The following CDYL2 variants were observed in gnomAD, a reference collection of about 807,000 sequenced individuals.
CDYL2 encodes the protein chromodomain Y like 2.
Under a neutral mutation model 49.4 loss-of-function variants are expected in CDYL2, and 23 were observed. That is an observed-to-expected ratio of 0.47 (90% CI 0.34 to 0.66). The LOEUF is 0.66. CDYL2 is among the 30% of genes least tolerant of loss of function. The probability of loss-of-function intolerance (pLI) is 0.01; values close to 1 mark genes in which losing one functional copy is unlikely to be tolerated. For missense variants in CDYL2, 678 were observed against 656.4 expected (o/e 1.03, Z -0.36); for synonymous variants, 360 against 268.8 (o/e 1.34, Z -3.32).
At chr16:80,716,616 G>C (rs957584648) in intron 1 of CDYL2, among the ~76,000 whole-genome samples, 18 of 152,158 alleles carry the variant, frequency 1.2e-4, no homozygotes, top group African/African-American at 3.9e-4. Context: ...ATGATGAATG[G>C]CTAGATGGGT....
At position 80,728,099 on chromosome 16, in the gene CDYL2, G is replaced by A. The variant is rs564548083; in HGVS notation, c.25-42970C>T. On this transcript the variant is annotated intron_variant, in intron 1 of 6. Transcript: ENST00000570137. ...CCAGCAATGGAACAAAGCTGGATGG[G>A]GAATGACTTTGACGAGCTGAGAGAA... 7.6e-3 allele frequency among the ~76,000 whole-genome samples: 1,165 copies of A among 152,292 alleles called. 19 individuals are homozygous for A. The highest frequency in any genetic ancestry group is 0.026 in the African/African-American group (1,083 of 41,558).
chr16:80,799,936 C>G (rs916943810), intron 1 of CDYL2, among the ~76,000 whole-genome samples: 5 of 152,234 alleles, frequency 3.3e-5, no homozygotes, highest in African/African-American at 7.2e-5. Flanking sequence ...CACAGACCAT[C>G]AGTTCTGCTA....
In CDYL2 at chr16:80,751,482, G is replaced by A. The variant is rs577767281; in HGVS notation, c.24+52668C>T. ...AAGCAGCACGTGGCAGCTAAGGAGAGCTTTCAACAGTTTTACAGAGCTGAG... is the reference window on the plus strand; with the variant it reads ...AAGCAGCACGTGGCAGCTAAGGAGAACTTTCAACAGTTTTACAGAGCTGAG... On this transcript the variant is annotated intron_variant, in intron 1 of 6. Transcript: ENST00000570137. 3.9e-5 allele frequency among the ~76,000 whole-genome samples: 6 copies of A among 152,334 alleles called. No individual in the cohort carries two copies. In the South Asian group the frequency reaches 6.2e-4, roughly 16 times the overall value.
chr16:80,740,965 G>C (rs896972540), intron 1 of CDYL2, among the ~76,000 whole-genome samples: 1 of 151,474 alleles, frequency 6.6e-6, no homozygotes, highest in African/African-American at 2.4e-5. Flanking sequence ...ACCCCATCTG[G>C]ATTTTTTAAA....
At chr16:80,688,415 A>G (rs1455249134) in intron 1 of CDYL2, among the ~76,000 whole-genome samples, 1 of 150,116 alleles carries the variant, frequency 6.7e-6, no homozygotes. Context: ...TAAAATATAT[A>G]ATAATAAAGA....
Position 80,612,895 on chromosome 16 carries a change from A to T in CDYL2, c.1008-59T>A. 6.8e-7 allele frequency: 1 copy of T among 1,460,972 alleles called. No individual in the cohort carries two copies. Among genetic ancestry groups the T allele is most frequent in the Non-Finnish European group, 9.2e-7 (1 of 1,082,946 alleles). 90.5% of individuals were successfully genotyped at this position (1,460,972 alleles called of 1,614,324 possible). A position where few individuals can be genotyped will look rare whatever the true frequency, so the allele number is the denominator to read the frequency against. ...ACTATAGCATGCTAAGCCCCACTGGAACCCTTGACTCTCCCAGGTGCTGTG... is the reference window on the plus strand; with the variant it reads ...ACTATAGCATGCTAAGCCCCACTGGTACCCTTGACTCTCCCAGGTGCTGTG... On this transcript the variant is annotated intron_variant, in intron 4 of 6. Transcript: ENST00000570137. This position sits in a 1 kb window ranked among gnomAD's most constrained non-coding sequence, Gnocchi z 5.0.
intron 1 of CDYL2, among the ~76,000 whole-genome samples, chr16:80,715,338 G>A (rs1904761145): frequency 6.6e-6 from 1 of 152,094 alleles, no homozygotes; most frequent in African/African-American, 2.4e-5. Flanking sequence ...AATGATTGAG[G>A]GCTCTGGAAG....
chr16:80,620,714 G>T, intron 4 of CDYL2, 49 bp downstream of exon 4: 2 of 1,458,340 alleles, frequency 1.4e-6, no homozygotes, highest in South Asian at 3.0e-5. Flanking sequence ...ATTTTTACTT[G>T]GTAATCCTAC....
intron 1 of CDYL2, among the ~76,000 whole-genome samples, chr16:80,754,697 C>A (rs1177361720): frequency 6.6e-6 from 1 of 152,162 alleles, no homozygotes; most frequent in Middle Eastern, 3.2e-3. Flanking sequence ...AGGGAGGATT[C>A]CGTGAGGGAA....
At chr16:80,705,627 G>T (rs953347710) in intron 1 of CDYL2, among the ~76,000 whole-genome samples, 1 of 152,202 alleles carries the variant, frequency 6.6e-6, no homozygotes, top group African/African-American at 2.4e-5. Context: ...AGTAGAACTG[G>T]CATTATTATA....
intron 6 of CDYL2, among the ~76,000 whole-genome samples, chr16:80,606,326 G>C (rs78876548): frequency 0.033 from 4,954 of 152,264 alleles, 376 homozygotes; most frequent in East Asian, 0.24. Flanking sequence ...TGGCAGCAGA[G>C]ACCTCCTTGC....
At chr16:80,713,244 C>T (rs965188282) in intron 1 of CDYL2, among the ~76,000 whole-genome samples, 1 of 152,096 alleles carries the variant, frequency 6.6e-6, no homozygotes, top group Non-Finnish European at 1.5e-5. Flanking sequence ...GATAAATGCA[C>T]GGATAAATAT....
chr16:80,795,347 C>T (rs767548563), intron 1 of CDYL2, among the ~76,000 whole-genome samples: 19 of 152,118 alleles, frequency 1.2e-4, no homozygotes, highest in Non-Finnish European at 2.6e-4. Flanking sequence ...TGACTGGAGT[C>T]AAGTGGGAAT....
rs775273755 is a variant in CDYL2 at position 80,604,500 on chromosome 16, A to G, written c.1409T>C (p.Val470Ala). The stretch of plus-strand genomic sequence containing the variant: ...TTCCTTCTCGTTCACGTCTTCCAGC[A>G]CTGATTTCAGGAAGCTCCGCACGAG... ...KCLVRSFLKSVLEDVNEKECL... is the reference protein window; with the variant it reads ...KCLVRSFLKSALEDVNEKECL... Residue 470 changes from valine (V) to alanine (A), a missense_variant, in exon 7 of 7, where the codon GTG becomes GCG. Physicochemically the swap from Val to Ala is moderately conservative, Grantham distance 64 (BLOSUM62 0). Transcript: ENST00000570137. 15 of 1,614,204 alleles carry G rather than the reference A, an allele frequency of 9.3e-6. No individual in the cohort carries two copies. The East Asian group carries it at 2.0e-4, about 22-fold the overall frequency.
chr16:80,696,269 G>C (rs1274853916), intron 1 of CDYL2, among the ~76,000 whole-genome samples: 1 of 152,030 alleles, frequency 6.6e-6, no homozygotes, highest in Non-Finnish European at 1.5e-5. Context: ...GAAGGTAATA[G>C]CAATGAACAT....
chr16:80,684,467 C>T, intron 2 of CDYL2, 71 bp downstream of exon 2: 5 of 1,440,234 alleles, frequency 3.5e-6, no homozygotes, highest in Non-Finnish European at 4.8e-6. Flanking sequence ...TATGTATGTC[C>T]CTAGGCTACA....
chr16:80,679,118 G>T (rs1468776081), intron 2 of CDYL2, among the ~76,000 whole-genome samples: 7 of 111,810 alleles, frequency 6.3e-5, no homozygotes, highest in Admixed American at 4.2e-4. Context: ...GTTGTGGGGT[G>T]GGGGGAGGGG....
chr16:80,691,925 A>G (rs142594189), intron 1 of CDYL2, among the ~76,000 whole-genome samples: 1 of 152,320 alleles, frequency 6.6e-6, no homozygotes, highest in East Asian at 1.9e-4. Context: ...TGGAACCAGG[A>G]AAGGACAGAA....
chr16:80,655,393 G>A lies in CDYL2; in HGVS notation c.617-22157C>T, dbSNP rs575135976. On this transcript the variant is annotated intron_variant, in intron 2 of 6. Transcript: ENST00000570137. ...AAGAAAGTAGAGAAATAGGGCCTGT[G>A]CCCTCATGGAGCTTGCTTTGGGTTG... Among the ~76,000 whole-genome samples, 33 of 152,268 alleles carry A rather than the reference G, an allele frequency of 2.2e-4. No individual in the cohort carries two copies. In the South Asian group the frequency reaches 6.8e-3, roughly 32 times the overall value.
Sources: allele counts gnomAD v4.1 joint callset (sites outside exome capture counted in the v4.1 genomes callset), GRCh38; gene constraint gnomAD v4.1.1; non-coding constraint Gnocchi (gnomAD v3.1); transcripts MANE v1.5; gene names NCBI Gene and HGNC (gene_info 2026-07-23, HGNC 2026-07-21).